Variants in NCBP3 observed in about 807,000 individuals in gnomAD.
NCBP3 encodes the protein nuclear cap binding subunit 3, also known as nuclear cap-binding protein subunit 3.
NCBP3 carries 20 observed loss-of-function variants against 75.7 expected under a neutral mutation model. The ratio of observed to expected loss-of-function variants is 0.26; its 90% CI spans 0.19 to 0.38. The LOEUF (loss-of-function observed/expected upper bound fraction) is 0.38. Among genes scored for constraint, NCBP3 ranks in the 10% least tolerant of loss-of-function variants. The probability of loss-of-function intolerance (pLI) is 1.00; values close to 1 mark genes in which losing one functional copy is unlikely to be tolerated. For missense variants in NCBP3, 678 were observed against 796.9 expected (o/e 0.85, Z 1.80); for synonymous variants, 293 against 290.5 (o/e 1.01, Z -0.09).
chr17:3,821,746 G>A (rs997550543), intron 8 of NCBP3, among the ~76,000 whole-genome samples: 3 of 152,084 alleles, frequency 2.0e-5, no homozygotes, highest in Non-Finnish European at 1.5e-5. Flanking sequence ...TCAACTACAC[G>A]TTGACACAAT....
chr17:3,818,357 G>T lies in NCBP3; in HGVS notation c.1216C>A (p.Leu406Ile), dbSNP rs776852488. The change falls in exon 10 of 13, where the codon CTA (leucine) becomes ATA (isoleucine). Residue 406 changes from leucine (L) to isoleucine (I), a missense_variant. By Grantham distance (5) the Leu-to-Ile change is conservative (BLOSUM62 2). Coordinates refer to ENST00000389005, the MANE Select transcript of NCBP3 (RefSeq NM_001114118.3). This position sits in a 1 kb window ranked among gnomAD's most constrained non-coding sequence, Gnocchi z 4.7. ...GGCGTGGAAATCATTTTCAGTTCTA[G>T]ATCATAGTCCATTTCATCTGAGTCT... ...SSDSDEMDYD[L>I]ELKMISTPSP... 1 of 1,614,144 alleles carries T rather than the reference G, an allele frequency of 6.2e-7. No individual in the cohort carries two copies. Among genetic ancestry groups the T allele is most frequent in the Non-Finnish European group, 8.5e-7 (1 of 1,180,018 alleles).
intron 7 of NCBP3, among the ~76,000 whole-genome samples, chr17:3,823,386 T>C (rs1395622236): frequency 6.6e-6 from 1 of 152,096 alleles, no homozygotes; most frequent in South Asian, 2.1e-4. Flanking sequence ...CTGATATCCA[T>C]GGATGATAAC....
At chr17:3,825,595 G>A (rs1226993250) in intron 6 of NCBP3, among the ~76,000 whole-genome samples, 172 bp downstream of exon 6, 1 of 152,060 alleles carries the variant, frequency 6.6e-6, no homozygotes, top group African/African-American at 2.4e-5. Flanking sequence ...AAGATTTCAA[G>A]GTGAATCGCT....
intron 2 of NCBP3, among the ~76,000 whole-genome samples, chr17:3,841,301 G>A (rs1302683118): frequency 1.3e-5 from 2 of 152,120 alleles, no homozygotes; most frequent in African/African-American, 4.8e-5. Context: ...TATTGACTTT[G>A]CCACACTAAT....
intron 5 of NCBP3, 81 bp from the exon 6 acceptor site, chr17:3,825,924 A>C: frequency 7.1e-7 from 1 of 1,416,006 alleles, no homozygotes; most frequent in Non-Finnish European, 9.7e-7. Flanking sequence ...ATCTCATATA[A>C]TTTTAAAAGT....
Position 3,840,113 on chromosome 17 carries a change from G to C in NCBP3, c.342C>G (p.Asp114Glu). The part of the protein sequence containing the change: ...LAQRNVALDR[D>E]MMKKAIPKVR... Reference sequence around the variant, plus strand: ...AACACCCTGTACCTTTCTTCATCATGTCTCGGTCCAAGGCTACATTTCTTT... The same window carrying C: ...AACACCCTGTACCTTTCTTCATCATCTCTCGGTCCAAGGCTACATTTCTTT... The change falls in exon 3 of 13, where the codon GAC becomes GAG. Residue 114 changes from aspartate (D) to glutamate (E), a missense_variant. Physicochemically the swap from Asp to Glu is conservative, Grantham distance 45. Transcript: ENST00000389005. 6.4e-7 allele frequency: 1 copy of C among 1,551,426 alleles called. No individual in the cohort carries two copies. The highest frequency in any genetic ancestry group is 8.7e-7 in the Non-Finnish European group (1 of 1,146,764).
intron 1 of NCBP3, among the ~76,000 whole-genome samples, chr17:3,844,679 C>T (rs1381275308): frequency 3.3e-5 from 5 of 152,162 alleles, no homozygotes; most frequent in Non-Finnish European, 7.4e-5. Context: ...GGAGAAACCC[C>T]GTCTCTACTA....
chr17:3,817,223 AT>A (rs371967570), intron 10 of NCBP3, among the ~76,000 whole-genome samples: 13 of 149,922 alleles, frequency 8.7e-5, no homozygotes, highest in Non-Finnish European at 1.5e-4. Context: ...TAAAATAACT[AT>A]TTTTTTTTTG....
In NCBP3 at chr17:3,829,346, C is replaced by T. The variant is rs1482282462; in HGVS notation, c.378G>A (p.Glu126=). The T allele has an allele frequency of 6.4e-7, 1 of 1,551,878 alleles. No individual in the cohort carries two copies. Among genetic ancestry groups the T allele is most frequent in the Admixed American group, 2.0e-5 (1 of 50,978 alleles). Residue 126 remains glutamate, a synonymous_variant, in exon 4 of 13, where the codon GAG becomes GAA. Coordinates refer to ENST00000389005, the MANE Select transcript of NCBP3 (RefSeq NM_001114118.3). Reference sequence around the variant, plus strand: ...CATCTACTCCGCAAATATAGATTGTCTCCAGTCTCACCTTGGGGATTGCTA... The same window carrying T: ...CATCTACTCCGCAAATATAGATTGTTTCCAGTCTCACCTTGGGGATTGCTA... ...MKKAIPKVRL[E]TIYICGVDEM...
intron 7 of NCBP3, chr17:3,823,861 G>GAC (rs1240407841): frequency 6.6e-6 from 1 of 152,208 alleles, no homozygotes; most frequent in African/African-American, 2.4e-5. Context: ...CTCCTGACAT[G>GAC]ATGCTCTGGA....
Position 3,825,085 on chromosome 17 carries a change from A to G in NCBP3, c.688-35T>C, listed in dbSNP as rs550803797. ...GAAGAGTATTTTTAATATAAAAATT[A>G]AAGTCCTTTTGATATTTCTTCAGTA... is the stretch of plus-strand genomic sequence containing the variant. On this transcript the variant is annotated intron_variant, in intron 6 of 12. Coordinates refer to ENST00000389005, the MANE Select transcript of NCBP3 (RefSeq NM_001114118.3). The G allele has an allele frequency of 5.9e-4, 730 of 1,229,666 alleles. 4 individuals are homozygous for G. The Middle Eastern group carries it at 0.019, about 31-fold the overall frequency. The allele number at this position is 1,229,666 out of a possible 1,614,324, so 76.2% of individuals were successfully genotyped here.
chr17:3,808,546 G>A lies in NCBP3; in HGVS notation c.*4498C>T, dbSNP rs2053360416. On this transcript the variant is annotated 3_prime_UTR_variant, in exon 13 of 13. Transcript: ENST00000389005. Reference sequence around the variant, plus strand: ...TTGAGGCGGGAGGGGGAGAAGCCTGGGCGGAAGCATGTCACTGGAGGTAGA... The same window carrying A: ...TTGAGGCGGGAGGGGGAGAAGCCTGAGCGGAAGCATGTCACTGGAGGTAGA... 1 of 152,178 alleles carries A rather than the reference G, an allele frequency of 6.6e-6. No homozygotes were observed. Among genetic ancestry groups the A allele is most frequent in the Non-Finnish European group, 1.5e-5 (1 of 68,068 alleles). The allele number at this position is 152,178 out of a possible 1,614,324, so 9.4% of individuals were successfully genotyped here.
rs2053307471 is a variant in NCBP3 at position 3,803,906 on chromosome 17, T to G, written c.*9138A>C. On this transcript the variant is annotated 3_prime_UTR_variant, in exon 13 of 13. Transcript: ENST00000389005. ...CTGGCTAACACGGTGAAACCCGGTC[T>G]CTACTAAAAATACAAAAAAAATTAG... is the stretch of plus-strand genomic sequence containing the variant. The G allele has an allele frequency of 6.6e-6, 1 of 151,980 alleles. No individual in the cohort carries two copies. Among genetic ancestry groups the G allele is most frequent in the South Asian group, 2.1e-4 (1 of 4,816 alleles). 9.4% of individuals were successfully genotyped at this position (151,980 alleles called of 1,614,324 possible). A position where few individuals can be genotyped will look rare whatever the true frequency, so the allele number is the denominator to read the frequency against.
At position 3,809,787 on chromosome 17, in the gene NCBP3, T is replaced by C. The variant is rs565325879; in HGVS notation, c.*3257A>G. 11 of 151,922 alleles carry C rather than the reference T, an allele frequency of 7.2e-5. No individual in the cohort carries two copies. The highest frequency in any genetic ancestry group is 1.2e-4 in the Non-Finnish European group (8 of 67,994). 9.4% of individuals were successfully genotyped at this position (151,922 alleles called of 1,614,324 possible). On this transcript the variant is annotated 3_prime_UTR_variant, in exon 13 of 13. Transcript: ENST00000389005. ...TCAAATGCCCATTAACCAATGTGGA[T>C]TAAAAAAAAGGTGGCATACCCATAA...
intron 7 of NCBP3, among the ~76,000 whole-genome samples, chr17:3,823,236 AGGAGGCAGAGGTTGCAG>A (rs751408046): frequency 1.4e-3 from 217 of 152,206 alleles, no homozygotes; most frequent in Non-Finnish European, 1.3e-3. Flanking sequence ...GCTTGAACCC[AGGAGGCAGAGGTTGCAG>A]GGAGGCAGAG....
intron 12 of NCBP3, among the ~76,000 whole-genome samples, chr17:3,813,607 C>T (rs1014736716): frequency 6.6e-6 from 1 of 152,210 alleles, no homozygotes; most frequent in African/African-American, 2.4e-5. Flanking sequence ...CCCTGTGTGC[C>T]AATCCATTCT....
chr17:3,814,269 T>A (rs547199084), intron 12 of NCBP3, 53 bp downstream of exon 12: 3 of 1,573,428 alleles, frequency 1.9e-6, no homozygotes, highest in Admixed American at 3.7e-5. Flanking sequence ...ATACACCCAC[T>A]GTCCTCTGCT....
Position 3,812,841 on chromosome 17 carries a change from C to G in NCBP3, c.*203G>C. The G allele has an allele frequency of 2.1e-6, 3 of 1,409,518 alleles. No homozygotes were observed. Among genetic ancestry groups the G allele is most frequent in the Non-Finnish European group, 2.8e-6 (3 of 1,084,174 alleles). 87.3% of individuals were successfully genotyped at this position (1,409,518 alleles called of 1,614,324 possible). A position where few individuals can be genotyped will look rare whatever the true frequency, so the allele number is the denominator to read the frequency against. Reference sequence around the variant, plus strand: ...TGGGAAAGGAATCGAGGGCCCAGAACTACAACTCTGCAGCGAAAGATAGAG... The same window carrying G: ...TGGGAAAGGAATCGAGGGCCCAGAAGTACAACTCTGCAGCGAAAGATAGAG... On this transcript the variant is annotated 3_prime_UTR_variant, in exon 13 of 13. Coordinates refer to ENST00000389005, the MANE Select transcript of NCBP3 (RefSeq NM_001114118.3).
At chr17:3,845,786 G>A (rs1242870323) in intron 1 of NCBP3, among the ~76,000 whole-genome samples, 2 of 152,016 alleles carry the variant, frequency 1.3e-5, no homozygotes, top group Non-Finnish European at 2.9e-5. Flanking sequence ...GCGGAGGGGG[G>A]TCCTCAACTC....
Sources: gnomAD v4.1 joint callset for allele counts (sites outside exome capture counted in the v4.1 genomes callset) on GRCh38, gnomAD v4.1.1 for gene constraint, Gnocchi (gnomAD v3.1) non-coding constraint, MANE v1.5 for transcripts, NCBI Gene and HGNC (gene_info 2026-07-23, HGNC 2026-07-21) for gene names.